Variants in OSBPL10 observed in about 807,000 individuals in gnomAD.
OSBPL10 encodes the protein oxysterol binding protein like 10, also known as oxysterol-binding protein-related protein 10.
OSBPL10 carries 49 observed loss-of-function variants against 81.7 expected under a neutral mutation model. The ratio of observed to expected loss-of-function variants is 0.60; its 90% confidence interval spans 0.48 to 0.76. The LOEUF (loss-of-function observed/expected upper bound fraction) is 0.76. Among genes scored for constraint, OSBPL10 ranks in the 30% least tolerant of loss-of-function variants. OSBPL10 has a pLI of 0.00. For missense variants in OSBPL10, 923 were observed against 987.8 expected (o/e 0.93, Z 0.88); for synonymous variants, 419 against 383.6 (o/e 1.09, Z -1.08).
At chr3:31,840,712 T>A (rs962647861) in intron 3 of OSBPL10, among the ~76,000 whole-genome samples, 1 of 152,236 alleles carries the variant, frequency 6.6e-6, no homozygotes, top group African/African-American at 2.4e-5. Flanking sequence ...GGCCAGGACC[T>A]TAGAAGCTCT....
intron 4 of OSBPL10, among the ~76,000 whole-genome samples, chr3:31,759,968 GCC>G (rs1330191673): frequency 5.9e-5 from 9 of 152,092 alleles, no homozygotes; most frequent in Non-Finnish European, 1.3e-4. Context: ...TGCCATGTTG[GCC>G]AGGCTGGTCT....
chr3:31,693,527 A>G (rs1161169488), intron 7 of OSBPL10, among the ~76,000 whole-genome samples: 1 of 152,170 alleles, frequency 6.6e-6, no homozygotes, highest in Non-Finnish European at 1.5e-5. Context: ...TTTTCCATAA[A>G]CCTGTGGTGA....
At chr3:31,855,291 G>C (rs770184037) in intron 3 of OSBPL10, among the ~76,000 whole-genome samples, 4 of 152,128 alleles carry the variant, frequency 2.6e-5, no homozygotes, top group Non-Finnish European at 4.4e-5. Flanking sequence ...AAAATGCTGG[G>C]ATTACAGTTT....
chr3:32,010,015 T>A (rs1169436763), intron 2 of OSBPL10, among the ~76,000 whole-genome samples: 2 of 152,206 alleles, frequency 1.3e-5, no homozygotes, highest in East Asian at 3.8e-4. Flanking sequence ...ACAGGATCTT[T>A]GCAAAGGCAT....
intron 2 of OSBPL10, among the ~76,000 whole-genome samples, chr3:32,021,251 G>C (rs1259177744): frequency 1.3e-5 from 2 of 152,188 alleles, no homozygotes; most frequent in Non-Finnish European, 2.9e-5. Flanking sequence ...TTTGTGGGTA[G>C]TCTTTCTTAC....
chr3:32,032,285 G>T (rs916572946), intron 2 of OSBPL10, among the ~76,000 whole-genome samples: 1 of 151,894 alleles, frequency 6.6e-6, no homozygotes, highest in African/African-American at 2.4e-5. Context: ...CATGATGGGG[G>T]GCACCTGTAA....
chr3:31,989,020 G>C (rs779297932), intron 2 of OSBPL10: 76 of 1,597,124 alleles, frequency 4.8e-5, no homozygotes, highest in Non-Finnish European at 6.3e-5. Context: ...CTAATACAGA[G>C]CAGGAAGCAG....
chr3:32,054,968 C>A (rs537039087), intron 1 of OSBPL10, among the ~76,000 whole-genome samples: 12 of 152,194 alleles, frequency 7.9e-5, no homozygotes, highest in Admixed American at 3.9e-4. Context: ...CTCTTGAATG[C>A]AGGTTTCTGA....
intron 3 of OSBPL10, among the ~76,000 whole-genome samples, chr3:31,857,445 T>C (rs1168965224): frequency 6.6e-6 from 1 of 151,956 alleles, no homozygotes; most frequent in African/African-American, 2.4e-5. Flanking sequence ...AAGAATATAA[T>C]GAGAAGCAGG....
At chr3:32,005,816 G>A (rs975924548) in intron 2 of OSBPL10, among the ~76,000 whole-genome samples, 5 of 152,106 alleles carry the variant, frequency 3.3e-5, no homozygotes, top group Non-Finnish European at 5.9e-5. Flanking sequence ...TCAGTCTCCT[G>A]ACCTCGTGAT....
intron 2 of OSBPL10, chr3:31,989,890 C>T (rs759729798): frequency 1.2e-4 from 193 of 1,613,968 alleles, no homozygotes; most frequent in South Asian, 4.5e-4. Context: ...TAATCAGAAG[C>T]GATACCTTGC....
intron 1 of OSBPL10, among the ~76,000 whole-genome samples, chr3:31,920,569 T>A (rs4383558): frequency 3.3e-5 from 5 of 151,996 alleles, no homozygotes; most frequent in Admixed American, 6.6e-5. Flanking sequence ...ACATGTGTAC[T>A]GGAACTAAAC....
intron 6 of OSBPL10, chr3:31,721,698 T>G (rs1696649386): frequency 6.6e-6 from 1 of 152,226 alleles, no homozygotes; most frequent in Non-Finnish European, 1.5e-5. Context: ...TGAATCTTAC[T>G]TAGCCTAGAA....
chr3:31,708,297 T>A (rs1696136264), intron 6 of OSBPL10, among the ~76,000 whole-genome samples: 1 of 152,156 alleles, frequency 6.6e-6, no homozygotes, highest in African/African-American at 2.4e-5. Context: ...AACCAAGGAC[T>A]TAGTCCCTTT....
intron 1 of OSBPL10, among the ~76,000 whole-genome samples, chr3:31,892,219 G>T (rs1339512479): frequency 1.3e-5 from 2 of 151,944 alleles, no homozygotes; most frequent in African/African-American, 4.8e-5. Context: ...AGGACGGAGT[G>T]GGGAGAGGGA....
At chr3:31,846,651 T>C (rs1700641310) in intron 3 of OSBPL10, among the ~76,000 whole-genome samples, 1 of 151,594 alleles carries the variant, frequency 6.6e-6, no homozygotes, top group Non-Finnish European at 1.5e-5. Context: ...AATAAATAAA[T>C]AAATAAATAA....
At chr3:31,910,348 CA>C (rs1462184589) in intron 1 of OSBPL10, among the ~76,000 whole-genome samples, 1 of 151,854 alleles carries the variant, frequency 6.6e-6, no homozygotes, top group African/African-American at 2.4e-5. Flanking sequence ...AATTCAGAGT[CA>C]GGGGGCCGGG....
chr3:31,984,397 G>A (rs1698904462), upstream of OSBPL10, among the ~76,000 whole-genome samples: 1 of 151,936 alleles, frequency 6.6e-6, no homozygotes, highest in South Asian at 2.1e-4. Context: ...TAAGGATGGG[G>A]AAGCTGATAG....
chr3:31,812,714 AAAAAAAAGAAAGAAAGAAAGAAAGAAAG>A (rs1559475980), intron 4 of OSBPL10, among the ~76,000 whole-genome samples: 1 of 44,840 alleles, frequency 2.2e-5, no homozygotes, highest in Non-Finnish European at 4.8e-5. Flanking sequence ...ACAGTAGGCA[AAAAAAAAGAAAGAAAGAAAGAAAGAAAG>A]AAAGAAAGAA....
Sources: allele counts gnomAD v4.1 joint callset (sites outside exome capture counted in the v4.1 genomes callset), GRCh38; gene constraint gnomAD v4.1.1; transcripts MANE v1.5; gene names NCBI Gene and HGNC (gene_info 2026-07-23, HGNC 2026-07-21).